PUS10: variants seen among roughly 807,000 people sequenced by gnomAD.
PUS10 encodes tRNA pseudouridine synthase Pus10.
PUS10 carries 59 observed loss-of-function variants against 75.0 expected under a neutral mutation model. The ratio of observed to expected loss-of-function variants is 0.79; its 90% CI spans 0.64 to 0.98. The LOEUF (loss-of-function observed/expected upper bound fraction) is 0.98, where lower values mean the gene tolerates loss of function less well. Ranked by LOEUF, PUS10 falls within the 50% of genes least tolerant of loss-of-function variation. PUS10 has a pLI of 0.00. For missense variants in PUS10, 650 were observed against 614.4 expected, an observed-to-expected ratio of 1.06 and a Z score of -0.61; for synonymous variants, 219 against 211.6, an observed-to-expected ratio of 1.03 and a Z score of -0.30.
chr2:60,974,354 T>G (rs1318190381), intron 4 of PUS10, among the ~76,000 whole-genome samples: 1 of 151,904 alleles, frequency 6.6e-6, no homozygotes, highest in Non-Finnish European at 1.5e-5. Context: ...TAGCTGGGAC[T>G]ACAGGCGCGT....
intron 8 of PUS10, among the ~76,000 whole-genome samples, chr2:60,964,179 A>G (rs1676199387): frequency 6.6e-6 from 1 of 152,232 alleles, no homozygotes; most frequent in South Asian, 2.1e-4. Context: ...TAAGAAAAGT[A>G]GGGAGGTGCT....
rs958015311 is a variant in PUS10 at position 60,941,429 on chromosome 2, C to T, written c.*966G>A. ...AAAGACCCTAGAAACCAAGAAACTTCAGTTCTAGTCCTCAATATAGAAGTA... is the reference window on the plus strand; with the variant it reads ...AAAGACCCTAGAAACCAAGAAACTTTAGTTCTAGTCCTCAATATAGAAGTA... On this transcript the variant is annotated 3_prime_UTR_variant, in exon 18 of 18. Coordinates refer to ENST00000316752, the MANE Select transcript of PUS10 (RefSeq NM_144709.4). The T allele has an allele frequency of 3.3e-5, 5 of 152,274 alleles. No homozygotes were observed. The highest frequency in any genetic ancestry group is 7.2e-5 in the African/African-American group (3 of 41,436). 9.4% of individuals were successfully genotyped at this position (152,274 alleles called of 1,614,324 possible).
At chr2:60,945,158 T>C (rs369234719) in intron 16 of PUS10, 50 bp from the exon 17 acceptor site, 2 of 1,159,044 alleles carry the variant, frequency 1.7e-6, no homozygotes, top group East Asian at 4.7e-5. Flanking sequence ...TACCAACTAT[T>C]TGGTAAGATT....
intron 9 of PUS10, 115 bp downstream of exon 9, chr2:60,962,711 A>G: frequency 6.9e-7 from 1 of 1,440,262 alleles, no homozygotes. Flanking sequence ...TGACTAAGAC[A>G]CAATCCTGGC....
chr2:60,977,482 C>T (rs1399080221), intron 4 of PUS10, among the ~76,000 whole-genome samples: 1 of 152,106 alleles, frequency 6.6e-6, no homozygotes, highest in Non-Finnish European at 1.5e-5. Flanking sequence ...CCAAGACTCG[C>T]GGCAGCACAA....
intron 15 of PUS10, among the ~76,000 whole-genome samples, chr2:60,952,293 C>T (rs1212882786): frequency 2.7e-5 from 4 of 146,368 alleles, no homozygotes; most frequent in Non-Finnish European, 5.9e-5. Context: ...GAGATTGTGC[C>T]ATTGCACTCC....
At chr2:60,965,982 T>C (rs1676315148) in intron 6 of PUS10, 1 of 152,150 alleles carries the variant, frequency 6.6e-6, no homozygotes, top group Non-Finnish European at 1.5e-5. Flanking sequence ...ATTACAAAAA[T>C]TATACACATA....
intron 11 of PUS10, among the ~76,000 whole-genome samples, chr2:60,958,201 T>G (rs1268942219): frequency 6.6e-6 from 1 of 152,124 alleles, no homozygotes; most frequent in Non-Finnish European, 1.5e-5. Flanking sequence ...AAATGAAACT[T>G]TTTGTGCTAA....
chr2:60,971,462 T>C, intron 5 of PUS10, 61 bp downstream of exon 5: 1 of 1,465,268 alleles, frequency 6.8e-7, no homozygotes, highest in South Asian at 1.1e-5. Context: ...GTAAAAGTGC[T>C]TTAAGAACCA....
intron 3 of PUS10, among the ~76,000 whole-genome samples, chr2:61,007,645 T>C (rs1679310763): frequency 1.3e-5 from 2 of 151,174 alleles, no homozygotes; most frequent in Admixed American, 1.3e-4. Flanking sequence ...GGCACGTGCC[T>C]GTAATCCCAG....
intron 1 of PUS10, among the ~76,000 whole-genome samples, chr2:61,016,947 G>A (rs1214823475): frequency 6.6e-6 from 1 of 151,874 alleles, no homozygotes; most frequent in Non-Finnish European, 1.5e-5. Flanking sequence ...GGAATCTACT[G>A]TGGACTCTTG....
intron 4 of PUS10, among the ~76,000 whole-genome samples, chr2:61,005,042 G>A (rs973110155): frequency 6.6e-6 from 1 of 152,290 alleles, no homozygotes; most frequent in Admixed American, 6.5e-5. Context: ...ATCACCTGAG[G>A]TCGGGTGTCG....
chr2:61,000,009 G>C (rs1678748799), intron 4 of PUS10, among the ~76,000 whole-genome samples: 1 of 152,040 alleles, frequency 6.6e-6, no homozygotes, highest in African/African-American at 2.4e-5. Flanking sequence ...AGAAACTTAA[G>C]CATCTGTGGA....
chr2:60,956,650 G>A (rs566667699), intron 11 of PUS10, among the ~76,000 whole-genome samples: 1 of 152,310 alleles, frequency 6.6e-6, no homozygotes, highest in African/African-American at 2.4e-5. Context: ...CAGACTAAAG[G>A]AGAAGCCATA....
intron 4 of PUS10, among the ~76,000 whole-genome samples, chr2:60,977,160 T>C (rs1677083873): frequency 6.6e-6 from 1 of 151,998 alleles, no homozygotes; most frequent in African/African-American, 2.4e-5. Context: ...TGTTTGAGCT[T>C]TCTGAGTTAG....
intron 4 of PUS10, among the ~76,000 whole-genome samples, chr2:60,996,615 A>G (rs1425967590): frequency 2.0e-5 from 3 of 152,044 alleles, no homozygotes; most frequent in Admixed American, 2.0e-4. Context: ...AAAAACTTAA[A>G]AAGCAACAGC....
At chr2:61,002,571 C>G (rs1040149861) in intron 4 of PUS10, among the ~76,000 whole-genome samples, 2 of 152,170 alleles carry the variant, frequency 1.3e-5, no homozygotes, top group Admixed American at 6.5e-5. Context: ...CCTCAGTCTC[C>G]CAAGGAGCTG....
In PUS10 at chr2:60,941,043, G is replaced by C. The variant is rs1036251765; in HGVS notation, c.*1352C>G. 1 of 152,206 alleles carries C rather than the reference G, an allele frequency of 6.6e-6. No individual in the cohort carries two copies. The highest frequency in any genetic ancestry group is 1.5e-5 in the Non-Finnish European group (1 of 67,984). The allele number at this position is 152,206 out of a possible 1,614,324, so 9.4% of individuals were successfully genotyped here. Reference sequence around the variant, plus strand: ...TTAATATAGAGATGGGAAATGGTTAGTAATCTAATACTAGTCAAGTCACAT... The same window carrying C: ...TTAATATAGAGATGGGAAATGGTTACTAATCTAATACTAGTCAAGTCACAT... On this transcript the variant is annotated 3_prime_UTR_variant, in exon 18 of 18. Coordinates refer to ENST00000316752, the MANE Select transcript of PUS10 (RefSeq NM_144709.4).
In PUS10 at chr2:60,964,754, A is replaced by T. The variant is rs114153967; in HGVS notation, c.723+304T>A. Among the ~76,000 whole-genome samples the T allele has an allele frequency of 5.0e-4, 76 of 152,332 alleles. 1 individual carries two copies. The highest frequency in any genetic ancestry group is 9.3e-4 in the Non-Finnish European group (63 of 68,026). On this transcript the variant is annotated intron_variant, in intron 8 of 17. Transcript: ENST00000316752. ...TGTAATTTGAGGGATTAAAATCTAA[A>T]CGTCGAATTTAATGAGTAATAGTAA...
Sources: allele counts gnomAD v4.1 joint callset (sites outside exome capture counted in the v4.1 genomes callset), GRCh38; gene constraint gnomAD v4.1.1; transcripts MANE v1.5; gene names NCBI Gene and HGNC (gene_info 2026-07-23, HGNC 2026-07-21).